PAK3: variants seen among roughly 807,000 people sequenced by gnomAD.
PAK3 encodes the protein p21 (RAC1) activated kinase 3.
A neutral mutation model predicts 41.0 loss-of-function variants in PAK3; 4 were observed. The ratio of observed to expected loss-of-function variants is 0.10; its 90% CI spans 0.05 to 0.22. PAK3 has a LOEUF of 0.22. Among genes scored for constraint, PAK3 ranks in the 10% least tolerant of loss-of-function variants. PAK3 has a pLI of 1.00. For missense variants in PAK3, 205 were observed against 409.9 expected (o/e 0.50, Z 4.32); for synonymous variants, 146 against 139.6 (o/e 1.05, Z -0.32).
At chrX:111,220,032 C>G (rs1006167561) in intron 17 of PAK3, among the ~76,000 whole-genome samples, 1 of 111,551 alleles carries the variant, frequency 9.0e-6, no homozygotes, top group Non-Finnish European at 1.9e-5. Context: ...TAGTGGTTAA[C>G]TAAATATACT....
At chrX:111,071,478 A>T (rs752867970) in intron 1 of PAK3, among the ~76,000 whole-genome samples, 2 of 111,931 alleles carry the variant, frequency 1.8e-5, no homozygotes, top group Non-Finnish European at 3.8e-5. Flanking sequence ...TCACATAATG[A>T]CTACCACATG....
chrX:110,982,567 C>T (rs1339893315), intron 1 of PAK3, among the ~76,000 whole-genome samples: 2 of 112,205 alleles, frequency 1.8e-5, no homozygotes, highest in African/African-American at 6.5e-5. Context: ...AGGCAGCCTT[C>T]TCCCGAAAAG....
At chrX:110,997,903 A>G (rs1367768929) in intron 1 of PAK3, among the ~76,000 whole-genome samples, 1 of 111,335 alleles carries the variant, frequency 9.0e-6, no homozygotes, top group Non-Finnish European at 1.9e-5. Flanking sequence ...ACACAGCAAG[A>G]AGATGCCGTC....
At chrX:111,189,515 G>A (rs905287824) in intron 11 of PAK3, among the ~76,000 whole-genome samples, 6 of 111,759 alleles carry the variant, frequency 5.4e-5, no homozygotes, top group African/African-American at 9.8e-5. Context: ...TTTCCACAGC[G>A]GAAGACCTAA....
chrX:111,106,666 A>G (rs1208587451), intron 4 of PAK3, among the ~76,000 whole-genome samples: 1 of 111,701 alleles, frequency 9.0e-6, no homozygotes, highest in Non-Finnish European at 1.9e-5. Flanking sequence ...GCATTTATAT[A>G]CTTTCTCACT....
intron 13 of PAK3, among the ~76,000 whole-genome samples, chrX:111,193,321 G>GA (rs981473719): frequency 5.7e-5 from 6 of 105,613 alleles, no homozygotes; most frequent in African/African-American, 2.1e-4. Context: ...AAACTGGGAG[G>GA]AAAAAAGAGG....
At chrX:111,086,054 T>C (rs1467481543) in intron 1 of PAK3, among the ~76,000 whole-genome samples, 2 of 54,480 alleles carry the variant, frequency 3.7e-5, no homozygotes, top group Admixed American at 3.6e-4. Context: ...AAGACTGTGA[T>C]GTCAGCTTGT....
intron 1 of PAK3, among the ~76,000 whole-genome samples, chrX:110,966,377 C>A (rs973429594): frequency 2.7e-5 from 3 of 110,518 alleles, no homozygotes; most frequent in East Asian, 2.8e-4. Flanking sequence ...TCCCCATAAC[C>A]TTTAGCCCTG....
rs2094571442 is a variant in PAK3, at chrX:111,192,677, C to G, written c.992+59C>G. The G allele has an allele frequency of 5.1e-6, 3 of 591,129 alleles. No individual in the cohort carries two copies. The African/African-American group carries it at 6.7e-5, about 13-fold the overall frequency. The allele number at this position is 591,129 out of a possible 1,213,427, so 48.7% of individuals were successfully genotyped here. ...TTTGTGGGATGTCATTTTTTCTTGG[C>G]AAATTACTTTATTTGGGATTCGTTC... On this transcript the variant is annotated intron_variant, in intron 13 of 17. Transcript: ENST00000372007.
intron 11 of PAK3, among the ~76,000 whole-genome samples, chrX:111,179,011 C>A (rs868661394): frequency 2.4e-4 from 22 of 89,799 alleles, no homozygotes; most frequent in South Asian, 5.1e-4. Flanking sequence ...ATCTATATAT[C>A]TATATATATA....
At chrX:111,149,540 G>A (rs1443589545) in intron 7 of PAK3, among the ~76,000 whole-genome samples, 4 of 112,289 alleles carry the variant, frequency 3.6e-5, no homozygotes, top group African/African-American at 6.5e-5. Flanking sequence ...AAATCTAGGT[G>A]TATGTTCCCA....
chrX:111,043,709 G>T (rs140034715), intron 1 of PAK3, among the ~76,000 whole-genome samples: 4 of 112,055 alleles, frequency 3.6e-5, no homozygotes, highest in Non-Finnish European at 7.5e-5. Flanking sequence ...AGTTTTCCTA[G>T]ACAGTATAAA....
intron 4 of PAK3, among the ~76,000 whole-genome samples, chrX:111,112,464 C>G (rs986255129): frequency 3.6e-5 from 4 of 109,745 alleles, no homozygotes; most frequent in African/African-American, 1.3e-4. Context: ...TCTTCAAGGG[C>G]GGGGTCAACT....
chrX:111,083,489 A>T (rs1213692769), intron 1 of PAK3, among the ~76,000 whole-genome samples: 1 of 112,401 alleles, frequency 8.9e-6, no homozygotes, highest in African/African-American at 3.2e-5. Context: ...CTCACTTATG[A>T]CAAGGCTAGA....
chrX:110,969,094 A>ATTTTTGTTTTTTTTT (rs2091143163), intron 1 of PAK3, among the ~76,000 whole-genome samples: 1 of 40,618 alleles, frequency 2.5e-5, no homozygotes, highest in Non-Finnish European at 4.0e-5. Flanking sequence ...GACCTGCCTA[A>ATTTTTGTTTTTTTTT]TTTTTTTTTT....
intron 1 of PAK3, among the ~76,000 whole-genome samples, chrX:111,066,933 A>T (rs768032707): frequency 8.9e-6 from 1 of 111,771 alleles, no homozygotes; most frequent in African/African-American, 3.2e-5. Flanking sequence ...GCTATTGCAA[A>T]TGATATTTAT....
chrX:111,101,710 C>A (rs2062229111), intron 3 of PAK3, among the ~76,000 whole-genome samples: 1 of 111,780 alleles, frequency 8.9e-6, no homozygotes, highest in African/African-American at 3.3e-5. Flanking sequence ...CCTCACCCCA[C>A]CCTCTTGCAG....
chrX:111,066,263 T>C (rs1569297458), intron 1 of PAK3, among the ~76,000 whole-genome samples: 1 of 112,196 alleles, frequency 8.9e-6, no homozygotes, highest in Non-Finnish European at 1.9e-5. Context: ...TCTGTTTTCA[T>C]TTATTTCAAA....
chrX:111,073,685 T>C (rs1466574445), intron 1 of PAK3, among the ~76,000 whole-genome samples: 1 of 111,285 alleles, frequency 9.0e-6, no homozygotes, highest in Non-Finnish European at 1.9e-5. Context: ...AACAGACAAA[T>C]GGTGAGTAAA....
Sources: gnomAD v4.1 joint callset for allele counts (sites outside exome capture counted in the v4.1 genomes callset) on GRCh38, gnomAD v4.1.1 for gene constraint, MANE v1.5 for transcripts, NCBI Gene and HGNC (gene_info 2026-07-23, HGNC 2026-07-21) for gene names.